The following CRISPLD2 variants were observed in gnomAD, a reference collection of about 807,000 sequenced individuals.
CRISPLD2 encodes the protein cysteine-rich secretory protein LCCL domain-containing 2.
Under a neutral mutation model 71.1 loss-of-function variants are expected in CRISPLD2, and 47 were observed. The observed-to-expected ratio is 0.66, with a 90% CI of 0.52 to 0.84. The LOEUF is 0.84. CRISPLD2 is among the 40% of genes least tolerant of loss of function. The pLI, the probability that CRISPLD2 is intolerant of heterozygous loss-of-function variation, is 0.00. For missense variants in CRISPLD2, 830 were observed against 651.1 expected (o/e 1.27, Z -2.99); for synonymous variants, 317 against 250.1 (o/e 1.27, Z -2.52).
Position 84,907,169 on chromosome 16 carries a change from G to C in CRISPLD2, c.*527G>C, listed in dbSNP as rs1014531895. On this transcript the variant is annotated 3_prime_UTR_variant, in exon 15 of 15. Transcript: ENST00000262424. ...ATAGAGGAAAATGGTTTTAATGTTT[G>C]CTGGTCAGACAGACAAATGGGCTAG... 1 of 170,356 alleles carries C rather than the reference G, an allele frequency of 5.9e-6. No individual in the cohort carries two copies. Among genetic ancestry groups the C allele is most frequent in the Non-Finnish European group, 1.3e-5 (1 of 79,432 alleles). 10.6% of individuals were successfully genotyped at this position (170,356 alleles called of 1,614,324 possible).
At chr16:84,873,264 G>C (rs940347099) in intron 10 of CRISPLD2, 142 bp downstream of exon 10, 26 of 914,560 alleles carry the variant, frequency 2.8e-5, no homozygotes, top group Non-Finnish European at 4.0e-5. Context: ...GATCACCTGA[G>C]GTCAGGAGTT....
At chr16:84,891,182 A>G (rs1231404049) in intron 14 of CRISPLD2, among the ~76,000 whole-genome samples, 1 of 152,220 alleles carries the variant, frequency 6.6e-6, no homozygotes, top group African/African-American at 2.4e-5. Flanking sequence ...TAACAGGGCA[A>G]TGTTGAAGAT....
intron 6 of CRISPLD2, among the ~76,000 whole-genome samples, chr16:84,863,454 G>A (rs1376659054): frequency 6.6e-6 from 1 of 152,180 alleles, no homozygotes. Context: ...CGGAGATGGA[G>A]CAGGGATAAG....
chr16:84,870,918 C>G (rs1356083676), intron 8 of CRISPLD2, among the ~76,000 whole-genome samples: 4 of 151,758 alleles, frequency 2.6e-5, no homozygotes, highest in African/African-American at 9.7e-5. Flanking sequence ...ATTAGCTGGA[C>G]ATGGTGGCAT....
chr16:84,883,828 T>C (rs1173115548), intron 13 of CRISPLD2, among the ~76,000 whole-genome samples: 1 of 150,978 alleles, frequency 6.6e-6, no homozygotes, highest in Non-Finnish European at 1.5e-5. Context: ...GCGTTAAGCC[T>C]GGGGTCTTAT....
chr16:84,866,923 A>G lies in CRISPLD2; in HGVS notation c.736A>G (p.Thr246Ala), dbSNP rs1413293653. Residue 246 changes from threonine (T) to alanine (A), a missense_variant, in exon 7 of 15, where the codon ACG (threonine) becomes GCG (alanine). Transcript: ENST00000262424. ...AGAAACCTACACTCCAAAACCTGAA[A>G]CGGACGAGATGAATGAGGTGGAAAC... ...REETYTPKPE[T>A]DEMNEVETAP... is the part of the protein sequence containing the mutation. 3.1e-6 allele frequency: 5 copies of G among 1,613,922 alleles called. No homozygotes were observed. The highest frequency in any genetic ancestry group is 2.5e-6 in the Non-Finnish European group (3 of 1,180,006).
chr16:84,870,208 TAGAA>T (rs1247336617), intron 8 of CRISPLD2, among the ~76,000 whole-genome samples: 1 of 152,110 alleles, frequency 6.6e-6, no homozygotes, highest in Non-Finnish European at 1.5e-5. Context: ...AACAAAAAAG[TAGAA>T]AGAAAAAAAT....
At position 84,873,849 on chromosome 16, in the gene CRISPLD2, C is replaced by T. The variant is rs188819249; in HGVS notation, c.1113-71C>T. On this transcript the variant is annotated intron_variant, in intron 10 of 14. Coordinates refer to ENST00000262424, the MANE Select transcript of CRISPLD2 (RefSeq NM_031476.4). The stretch of plus-strand genomic sequence containing the variant: ...CAAATAAGATAAGTATAGGAGCAAG[C>T]GTTCACTTTTAGAAGCAATTCTATT... 2.0e-3 allele frequency: 2,683 copies of T among 1,365,492 alleles called. 10 individuals carry two copies. The highest frequency in any genetic ancestry group is 6.7e-3 in the Middle Eastern group (36 of 5,392). The allele number at this position is 1,365,492 out of a possible 1,614,324, so 84.6% of individuals were successfully genotyped here.
chr16:84,866,079 T>C (rs1193771337), intron 6 of CRISPLD2, among the ~76,000 whole-genome samples: 1 of 151,994 alleles, frequency 6.6e-6, no homozygotes, highest in East Asian at 1.9e-4. Context: ...TGGGCTGGTG[T>C]GAGGTGCAGT....
chr16:84,850,800 A>G, intron 5 of CRISPLD2, 117 bp downstream of exon 5: 1 of 755,908 alleles, frequency 1.3e-6, no homozygotes, highest in Non-Finnish European at 2.3e-6. Context: ...CATAACAAAG[A>G]ATCTAGAGTT....
chr16:84,902,013 G>T (rs1339216820), intron 14 of CRISPLD2, among the ~76,000 whole-genome samples: 4 of 151,210 alleles, frequency 2.6e-5, no homozygotes, highest in African/African-American at 9.7e-5. Context: ...TTCCCATGCT[G>T]GTCTTGAACT....
chr16:84,898,089 C>T (rs2071722212), intron 14 of CRISPLD2, among the ~76,000 whole-genome samples: 1 of 152,150 alleles, frequency 6.6e-6, no homozygotes, highest in South Asian at 2.1e-4. Flanking sequence ...ACACTCAGAT[C>T]GTTTCCTTTT....
At chr16:84,855,638 G>C (rs1597460892) in intron 6 of CRISPLD2, among the ~76,000 whole-genome samples, 1 of 152,144 alleles carries the variant, frequency 6.6e-6, no homozygotes, top group Admixed American at 6.5e-5. Flanking sequence ...ACACACCCAG[G>C]ATCAGTGCTT....
intron 9 of CRISPLD2, 118 bp from the exon 10 acceptor site, chr16:84,872,874 G>C: frequency 3.1e-6 from 4 of 1,302,876 alleles, no homozygotes; most frequent in Non-Finnish European, 4.2e-6. Flanking sequence ...AGCAGAGTGA[G>C]CTTTGGCCTG....
At chr16:84,897,048 A>T (rs2071712538) in intron 14 of CRISPLD2, among the ~76,000 whole-genome samples, 1 of 152,110 alleles carries the variant, frequency 6.6e-6, no homozygotes, top group South Asian at 2.1e-4. Context: ...ATGCAGCCCC[A>T]CGTGCCTGTC....
chr16:84,835,037 G>C (rs1207816949), intron 1 of CRISPLD2, among the ~76,000 whole-genome samples: 1 of 152,100 alleles, frequency 6.6e-6, no homozygotes, highest in African/African-American at 2.4e-5. Flanking sequence ...ACCCAGCACT[G>C]GGCTCTGGGG....
intron 13 of CRISPLD2, among the ~76,000 whole-genome samples, chr16:84,888,512 C>G (rs1169905714): frequency 1.3e-5 from 2 of 152,218 alleles, no homozygotes. Flanking sequence ...CAGAAACCAG[C>G]ACATCCTGCC....
At chr16:84,823,642 T>C (rs1916280830) in intron 1 of CRISPLD2, among the ~76,000 whole-genome samples, 1 of 152,150 alleles carries the variant, frequency 6.6e-6, no homozygotes, top group Admixed American at 6.5e-5. Flanking sequence ...GGCTGTACAA[T>C]GACGAGTACT....
At chr16:84,903,981 G>T (rs972468819) in intron 14 of CRISPLD2, among the ~76,000 whole-genome samples, 1 of 152,218 alleles carries the variant, frequency 6.6e-6, no homozygotes, top group Non-Finnish European at 1.5e-5. Context: ...GAAGCAGAGC[G>T]AGGAAAACCA....
Sources: gnomAD v4.1 joint callset for allele counts (sites outside exome capture counted in the v4.1 genomes callset) on GRCh38, gnomAD v4.1.1 for gene constraint, MANE v1.5 for transcripts, NCBI Gene and HGNC (gene_info 2026-07-23, HGNC 2026-07-21) for gene names.